Variants in RMND5A observed in about 807,000 individuals in gnomAD.
RMND5A encodes the protein required for meiotic nuclear division 5 homolog A.
In RMND5A, 17 loss-of-function variants were observed where a neutral mutation model predicts 49.7. The ratio of observed to expected loss-of-function variants is 0.34; its 90% CI spans 0.23 to 0.51. The LOEUF (loss-of-function observed/expected upper bound fraction) is 0.51. Ranked by LOEUF, RMND5A falls within the 20% of genes least tolerant of loss-of-function variation. The probability of loss-of-function intolerance (pLI) is 0.96; values close to 1 mark genes in which losing one functional copy is unlikely to be tolerated. For missense variants in RMND5A, 255 were observed against 471.3 expected (o/e 0.54, Z 4.25); for synonymous variants, 156 against 167.7 (o/e 0.93, Z 0.54).
intron 6 of RMND5A, among the ~76,000 whole-genome samples, chr2:86,768,824 A>C (rs984331376): frequency 2.6e-5 from 4 of 152,238 alleles, no homozygotes; most frequent in Non-Finnish European, 5.9e-5. Context: ...AAGAGGAACT[A>C]TGCAAAAAAA....
rs1681279976 is a variant in RMND5A, at chr2:86,725,755, C to T, written c.142+4946C>T. Among the ~76,000 whole-genome samples the T allele has an allele frequency of 1.5e-4, 12 of 79,236 alleles. 5 individuals are homozygous for T. In the South Asian group the frequency reaches 2.7e-3, roughly 18 times the overall value. 52.0% of individuals were successfully genotyped at this position (79,236 alleles called of 152,430 possible). On this transcript the variant is annotated intron_variant, in intron 1 of 8. Transcript: ENST00000283632. ...TTGTCACTTTTCCTTTTTTCTTTAA[C>T]GCATCAGATATGTATTTCCATTTAC...
chr2:86,752,797 T>G (rs1003610930), intron 3 of RMND5A, among the ~76,000 whole-genome samples: 1 of 152,220 alleles, frequency 6.6e-6, no homozygotes, highest in African/African-American at 2.4e-5. Flanking sequence ...CCGAAAGAAT[T>G]AGTTTAAAAT....
At chr2:86,766,586 C>T (rs1672599034) in intron 6 of RMND5A, among the ~76,000 whole-genome samples, 1 of 150,414 alleles carries the variant, frequency 6.6e-6, no homozygotes, top group Non-Finnish European at 1.5e-5. Flanking sequence ...ATCGCTTGAA[C>T]CCAGGAGGCG....
At position 86,771,713 on chromosome 2, in the gene RMND5A, G is replaced by A; in HGVS notation, c.1112+1G>A. The A allele has an allele frequency of 1.2e-6, 2 of 1,600,982 alleles. No individual in the cohort carries two copies. The highest frequency in any genetic ancestry group is 1.7e-6 in the Non-Finnish European group (2 of 1,170,758). On this transcript the variant is annotated splice_donor_variant, in intron 8 of 8. Coordinates refer to ENST00000283632, the MANE Select transcript of RMND5A (RefSeq NM_022780.4). LOFTEE classifies it high-confidence loss of function. ...TGAATAAAATGTTTAATGGTAGCAA[G>A]TAAGTGTCTGACTTTTAAAAAATGT...
intron 2 of RMND5A, among the ~76,000 whole-genome samples, chr2:86,744,897 G>A (rs1681510924): frequency 6.6e-6 from 1 of 151,994 alleles, no homozygotes; most frequent in South Asian, 2.1e-4. Flanking sequence ...GTCTTGCAGT[G>A]TTGCCCAGGA....
rs865907166 is a variant in RMND5A at position 86,743,994 on chromosome 2, T to A, written c.285+2925T>A. On this transcript the variant is annotated intron_variant, in intron 2 of 8. Transcript: ENST00000283632. ...CTCCATCTCAAAAAAAAAAAAAAAATACATACATACATACTATATTATTTA... is the reference window on the plus strand; with the variant it reads ...CTCCATCTCAAAAAAAAAAAAAAAAAACATACATACATACTATATTATTTA... Among the ~76,000 whole-genome samples, 647 of 148,310 alleles carry A rather than the reference T, an allele frequency of 4.4e-3. 3 individuals carry two copies. Among genetic ancestry groups the A allele is most frequent in the African/African-American group, 0.015 (579 of 39,902 alleles).
intron 7 of RMND5A, among the ~76,000 whole-genome samples, chr2:86,770,774 G>A (rs1573447538): frequency 6.6e-6 from 1 of 152,262 alleles, no homozygotes; most frequent in South Asian, 2.1e-4. Context: ...AATAAGACGG[G>A]ATACATGGTA....
Position 86,777,922 on chromosome 2 carries a change from T to TTA in RMND5A, c.*4511_*4512insTA, listed in dbSNP as rs1349918300. ...ATTTAATTTATAAATTTCGGACTGA[T>TTA]ATAATAGAGTTTTGGAAAACTATAA... On this transcript the variant is annotated 3_prime_UTR_variant, in exon 9 of 9. Coordinates refer to ENST00000283632, the MANE Select transcript of RMND5A (RefSeq NM_022780.4). 2 of 152,236 alleles carry TTA rather than the reference T, an allele frequency of 1.3e-5. No individual in the cohort carries two copies. 9.4% of individuals were successfully genotyped at this position (152,236 alleles called of 1,614,324 possible).
At chr2:86,773,198 G>A (rs1672711518) in intron 8 of RMND5A, 150 bp from the exon 9 acceptor site, 1 of 445,078 alleles carries the variant, frequency 2.2e-6, no homozygotes, top group Non-Finnish European at 4.0e-6. Context: ...GGAAAGCATA[G>A]TTCATCCTCA....
In RMND5A at chr2:86,773,507, T is replaced by G; in HGVS notation, c.*96T>G. On this transcript the variant is annotated 3_prime_UTR_variant, in exon 9 of 9. Coordinates refer to ENST00000283632, the MANE Select transcript of RMND5A (RefSeq NM_022780.4). Reference sequence around the variant, plus strand: ...TATAATGCAGCTAACCAAGGACTCCTGTGTTTCTATAAGCTAATGCTCCAG... The same window carrying G: ...TATAATGCAGCTAACCAAGGACTCCGGTGTTTCTATAAGCTAATGCTCCAG... The G allele has an allele frequency of 1.3e-6, 1 of 773,566 alleles. No individual in the cohort carries two copies. Among genetic ancestry groups the G allele is most frequent in the South Asian group, 1.6e-5 (1 of 63,236 alleles). The allele number at this position is 773,566 out of a possible 1,614,324, so 47.9% of individuals were successfully genotyped here. A position where few individuals can be genotyped will look rare whatever the true frequency, so the allele number is the denominator to read the frequency against.
At chr2:86,744,614 C>G (rs1442583789) in intron 2 of RMND5A, among the ~76,000 whole-genome samples, 1 of 152,072 alleles carries the variant, frequency 6.6e-6, no homozygotes, top group Non-Finnish European at 1.5e-5. Context: ...TTTTAAAGTT[C>G]CCTACCTATC....
At chr2:86,721,150 C>G (rs980365994) in intron 1 of RMND5A, 1 of 253,636 alleles carries the variant, frequency 3.9e-6, no homozygotes, top group East Asian at 1.0e-4. Context: ...CGCTCCCAGC[C>G]GGCCCCGGGA....
intron 8 of RMND5A, 88 bp downstream of exon 8, chr2:86,771,800 A>G (rs1672689668): frequency 7.3e-6 from 8 of 1,095,062 alleles, no homozygotes. Context: ...GATTAAAAAA[A>G]TGTAGCTAGA....
At chr2:86,756,734 C>T (rs1017233058) in intron 4 of RMND5A, among the ~76,000 whole-genome samples, 9 of 152,084 alleles carry the variant, frequency 5.9e-5, no homozygotes, top group Non-Finnish European at 7.4e-5. Flanking sequence ...AGGTACAAGG[C>T]GGGAGATATC....
intron 2 of RMND5A, among the ~76,000 whole-genome samples, chr2:86,747,354 C>A (rs1230205631): frequency 1.3e-5 from 2 of 152,090 alleles, no homozygotes; most frequent in African/African-American, 4.8e-5. Context: ...GTTAAGTTAT[C>A]TTTCTTATTG....
chr2:86,753,690 ATTATT>A (rs1248655864), intron 4 of RMND5A, 132 bp downstream of exon 4: 1 of 487,900 alleles, frequency 2.0e-6, no homozygotes, highest in Non-Finnish European at 3.6e-6. Flanking sequence ...TCAAAGGAGA[ATTATT>A]TTATTTATTT....
Position 86,771,628 on chromosome 2 carries a change from C to T in RMND5A, c.1028C>T (p.Thr343Ile). 6.2e-7 allele frequency: 1 copy of T among 1,612,688 alleles called. No individual in the cohort carries two copies. The highest frequency in any genetic ancestry group is 8.5e-7 in the Non-Finnish European group (1 of 1,179,592). Residue 343 changes from threonine to isoleucine, a missense_variant, in exon 8 of 9, where the codon ACA becomes ATA. Physicochemically the swap from Thr to Ile is moderately conservative, Grantham distance 89. Coordinates refer to ENST00000283632, the MANE Select transcript of RMND5A (RefSeq NM_022780.4). ...GCCTGCCCCATTCTTCGTCAGCAAACAACAGATAACAATCCACCCATGAAA... is the reference window on the plus strand; with the variant it reads ...GCCTGCCCCATTCTTCGTCAGCAAATAACAGATAACAATCCACCCATGAAA... The part of the protein sequence containing the change: ...IFACPILRQQ[T>I]TDNNPPMKLV...
At chr2:86,720,956 C>T in intron 1 of RMND5A, 147 bp downstream of exon 1, 3 of 625,662 alleles carry the variant, frequency 4.8e-6, no homozygotes, top group Non-Finnish European at 7.6e-6. Flanking sequence ...ACCCCTGAGA[C>T]TTTTTCCCCT....
rs1672738184 is a variant in RMND5A at position 86,774,639 on chromosome 2, C to A, written c.*1228C>A. 1 of 152,600 alleles carries A rather than the reference C, an allele frequency of 6.6e-6. No homozygotes were observed. The highest frequency in any genetic ancestry group is 2.1e-4 in the South Asian group (1 of 4,836). The allele number at this position is 152,600 out of a possible 1,614,324, so 9.5% of individuals were successfully genotyped here. A position where few individuals can be genotyped will look rare whatever the true frequency, so the allele number is the denominator to read the frequency against. On this transcript the variant is annotated 3_prime_UTR_variant, in exon 9 of 9. Coordinates refer to ENST00000283632, the MANE Select transcript of RMND5A (RefSeq NM_022780.4). ...ACTACATGGAAAAGACTTCTGTGGACATAATTCTGACCGAAACCCATGAAG... is the reference window on the plus strand; with the variant it reads ...ACTACATGGAAAAGACTTCTGTGGAAATAATTCTGACCGAAACCCATGAAG...
Sources: allele counts gnomAD v4.1 joint callset (sites outside exome capture counted in the v4.1 genomes callset), GRCh38; gene constraint gnomAD v4.1.1; transcripts MANE v1.5; gene names NCBI Gene and HGNC (gene_info 2026-07-23, HGNC 2026-07-21).